Variants in IMMP2L observed in about 807,000 individuals in gnomAD.
IMMP2L encodes the protein mitochondrial inner membrane protease subunit 2.
In IMMP2L, 18 loss-of-function variants were observed where a neutral mutation model predicts 19.3. The ratio of observed to expected loss-of-function variants is 0.93; its 90% CI spans 0.64 to 1.38. The LOEUF (loss-of-function observed/expected upper bound fraction) is 1.38. Among genes scored for constraint, IMMP2L ranks in the 40% most tolerant of loss-of-function variants. The probability of loss-of-function intolerance (pLI) is 0.00; values close to 1 mark genes in which losing one functional copy is unlikely to be tolerated. For synonymous variants in IMMP2L, 76 were observed against 73.0 expected (o/e 1.04, Z -0.21); for missense variants, 233 against 218.2 (o/e 1.07, Z -0.43).
intron 3 of IMMP2L, among the ~76,000 whole-genome samples, chr7:111,031,293 G>C (rs1360246327): frequency 6.6e-6 from 1 of 151,728 alleles, no homozygotes; most frequent in Non-Finnish European, 1.5e-5. Context: ...CATGCTCCTT[G>C]AGAAAAGGGA....
At chr7:111,122,945 T>C (rs1800831084) in intron 3 of IMMP2L, 1 of 1,613,938 alleles carries the variant, frequency 6.2e-7, no homozygotes, top group Non-Finnish European at 8.5e-7. Context: ...TGTAATGATT[T>C]AGGTCTTTTA....
chr7:111,112,574 G>A (rs938123809), intron 3 of IMMP2L, among the ~76,000 whole-genome samples: 8 of 152,272 alleles, frequency 5.3e-5, no homozygotes, highest in African/African-American at 1.9e-4. Context: ...AAAGCTTACA[G>A]TGGAATGTAT....
chr7:110,846,009 T>C (rs1805620376), intron 5 of IMMP2L, among the ~76,000 whole-genome samples: 1 of 152,074 alleles, frequency 6.6e-6, no homozygotes, highest in Non-Finnish European at 1.5e-5. Flanking sequence ...TGTGGAGAAG[T>C]AAGTTTCTGT....
chr7:111,467,727 C>A (rs750952161), intron 3 of IMMP2L, among the ~76,000 whole-genome samples: 1 of 152,056 alleles, frequency 6.6e-6, no homozygotes, highest in Non-Finnish European at 1.5e-5. Context: ...CTGTTTATGA[C>A]CTCTAGTATT....
intron 3 of IMMP2L, among the ~76,000 whole-genome samples, chr7:111,208,681 A>C (rs1274459363): frequency 6.6e-6 from 1 of 152,214 alleles, no homozygotes; most frequent in Non-Finnish European, 1.5e-5. Context: ...TAGGTAGTTT[A>C]GAGTACACAC....
At chr7:111,102,273 C>T (rs374762069) in intron 3 of IMMP2L, among the ~76,000 whole-genome samples, 1 of 151,334 alleles carries the variant, frequency 6.6e-6, no homozygotes, top group African/African-American at 2.4e-5. Context: ...GGACCATATG[C>T]TCCTGTCAAA....
At chr7:111,308,178 TACA>T (rs1823094875) in intron 3 of IMMP2L, among the ~76,000 whole-genome samples, 1 of 152,022 alleles carries the variant, frequency 6.6e-6, no homozygotes, top group Non-Finnish European at 1.5e-5. Flanking sequence ...ATATAATGTC[TACA>T]CTGGCAGTAC....
intron 3 of IMMP2L, chr7:111,124,805 C>T: frequency 1.2e-6 from 2 of 1,612,848 alleles, no homozygotes; most frequent in Non-Finnish European, 1.7e-6. Flanking sequence ...GAGCTTTATC[C>T]TCCTCTGATA....
At chr7:110,887,646 A>T (rs961851667) in intron 4 of IMMP2L, among the ~76,000 whole-genome samples, 2 of 152,022 alleles carry the variant, frequency 1.3e-5, no homozygotes. Flanking sequence ...TTGGTTCAAT[A>T]AATTATGATA....
chr7:110,738,239 A>G (rs1365909613), intron 5 of IMMP2L, among the ~76,000 whole-genome samples: 2 of 152,252 alleles, frequency 1.3e-5, no homozygotes, highest in African/African-American at 4.8e-5. Context: ...AAAGAATTCA[A>G]AAGGTTGATT....
At chr7:111,228,916 G>A (rs1813400816) in intron 3 of IMMP2L, among the ~76,000 whole-genome samples, 1 of 151,482 alleles carries the variant, frequency 6.6e-6, no homozygotes, top group Non-Finnish European at 1.5e-5. Context: ...TGACCAAGAA[G>A]TAACAGTTAA....
At chr7:111,129,427 T>C (rs578057119) in intron 3 of IMMP2L, among the ~76,000 whole-genome samples, 1 of 150,558 alleles carries the variant, frequency 6.6e-6, no homozygotes, top group Non-Finnish European at 1.5e-5. Flanking sequence ...TTATATGTTA[T>C]ATATATTATT....
At chr7:110,886,738 A>C in intron 4 of IMMP2L, 43 bp from the exon 5 acceptor site, 1 of 901,098 alleles carries the variant, frequency 1.1e-6, no homozygotes, top group Non-Finnish European at 1.8e-6. Context: ...AGTAGAAAAG[A>C]GATCAAACTG....
intron 5 of IMMP2L, among the ~76,000 whole-genome samples, chr7:110,784,412 C>G (rs534511590): frequency 1.9e-3 from 296 of 151,956 alleles, no homozygotes; most frequent in Admixed American, 5.0e-3. Context: ...TAATCAAGAC[C>G]TTTCATCTTC....
intron 3 of IMMP2L, among the ~76,000 whole-genome samples, chr7:111,463,637 G>A (rs28688028): frequency 6.6e-6 from 1 of 152,216 alleles, no homozygotes; most frequent in South Asian, 2.1e-4. Context: ...GCTCTCACCA[G>A]AATGGGTAAT....
At chr7:111,056,852 G>A (rs1022897967) in intron 3 of IMMP2L, among the ~76,000 whole-genome samples, 11 of 152,118 alleles carry the variant, frequency 7.2e-5, no homozygotes, top group African/African-American at 2.2e-4. Context: ...GTAGGCTGAG[G>A]AGGAGGAAGA....
At chr7:111,423,280 AG>A (rs1481770776) in intron 3 of IMMP2L, among the ~76,000 whole-genome samples, 1 of 151,920 alleles carries the variant, frequency 6.6e-6, no homozygotes, top group Non-Finnish European at 1.5e-5. Flanking sequence ...GAATAGTTTC[AG>A]AAGGAATGGT....
At chr7:110,738,461 A>G (rs1562947618) in intron 5 of IMMP2L, among the ~76,000 whole-genome samples, 1 of 152,224 alleles carries the variant, frequency 6.6e-6, no homozygotes, top group African/African-American at 2.4e-5. Flanking sequence ...ACAAGCAGAA[A>G]GAAAGAACTT....
chr7:110,835,291 C>T (rs985028711), intron 5 of IMMP2L, among the ~76,000 whole-genome samples: 1 of 152,166 alleles, frequency 6.6e-6, no homozygotes, highest in Admixed American at 6.6e-5. Context: ...ATGACTCTAA[C>T]TATCATTATA....
Sources: allele counts gnomAD v4.1 joint callset (sites outside exome capture counted in the v4.1 genomes callset), GRCh38; gene constraint gnomAD v4.1.1; transcripts MANE v1.5; gene names NCBI Gene and HGNC (gene_info 2026-07-23, HGNC 2026-07-21).